KIAA1671: variants seen among roughly 807,000 people sequenced by gnomAD.
KIAA1671 encodes KIAA1671, also known as uncharacterized protein KIAA1671.
In KIAA1671, 52 loss-of-function variants were observed where a neutral mutation model predicts 131.2. That is an observed-to-expected ratio of 0.40 (90% CI 0.32 to 0.50). KIAA1671 has a LOEUF of 0.50. Ranked by LOEUF, KIAA1671 falls within the 20% of genes least tolerant of loss-of-function variation. The pLI is 0.73. For synonymous variants in KIAA1671, 1,003 were observed against 961.6 expected, an observed-to-expected ratio of 1.04 and a Z score of -0.80; for missense variants, 2,360 against 2,364.2, an observed-to-expected ratio of 1.00 and a Z score of 0.04.
chr22:25,123,235 C>T lies in KIAA1671; in HGVS notation c.4531-47585C>T, dbSNP rs1457456580. On this transcript the variant is annotated intron_variant, in intron 6 of 12. Coordinates refer to ENST00000358431, the MANE Select transcript of KIAA1671 (RefSeq NM_001145206.2). ...TTTTTGAGATGGAGTCTTGCTCTGT[C>T]GCCCAGGCTGGAGTGCAATGACGCA... 3.6e-5 allele frequency among the ~76,000 whole-genome samples: 5 copies of T among 137,158 alleles called. No individual in the cohort carries two copies. The South Asian group carries it at 9.9e-4, about 27-fold the overall frequency. 90.0% of individuals were successfully genotyped at this position (137,158 alleles called of 152,430 possible).
intron 6 of KIAA1671, chr22:25,070,350 C>T (rs748000524): frequency 2.1e-6 from 1 of 483,924 alleles, no homozygotes; most frequent in Non-Finnish European, 3.8e-6. Flanking sequence ...CACCACATAA[C>T]CTCTGGGTGC....
chr22:25,069,301 G>A (rs149284376), intron 6 of KIAA1671, among the ~76,000 whole-genome samples: 1 of 152,322 alleles, frequency 6.6e-6, no homozygotes, highest in African/African-American at 2.4e-5. Flanking sequence ...GGGTAACTGA[G>A]GCTCAGGAGG....
chr22:25,163,421 A>G (rs1254955528), intron 6 of KIAA1671, among the ~76,000 whole-genome samples: 4 of 108,788 alleles, frequency 3.7e-5, no homozygotes, highest in Non-Finnish European at 5.3e-5. Context: ...ACTTCTGGAC[A>G]TTATTTTCCT....
intron 1 of KIAA1671, among the ~76,000 whole-genome samples, chr22:24,992,814 C>CA (rs761181079): frequency 0.37 from 21,066 of 57,032 alleles, 5,723 homozygotes; most frequent in Middle Eastern, 0.52. Flanking sequence ...GACTCCGTCT[C>CA]AAAAAAAAAA....
intron 11 of KIAA1671, among the ~76,000 whole-genome samples, chr22:25,187,616 C>T (rs1165888220): frequency 6.6e-6 from 1 of 152,076 alleles, no homozygotes; most frequent in Non-Finnish European, 1.5e-5. Flanking sequence ...CAGGTGAATC[C>T]TCCCACCTCA....
chr22:25,093,876 C>G (rs1377386810), intron 6 of KIAA1671, among the ~76,000 whole-genome samples: 1 of 122,482 alleles, frequency 8.2e-6, no homozygotes, highest in African/African-American at 3.1e-5. Flanking sequence ...CTCTCTCTCT[C>G]TCTCTCTCTC....
chr22:24,991,011 TTTC>T (rs1923812648), intron 1 of KIAA1671, among the ~76,000 whole-genome samples: 1 of 152,020 alleles, frequency 6.6e-6, no homozygotes, highest in South Asian at 2.1e-4. Flanking sequence ...GAAGGGACCC[TTTC>T]TTCTTTAATT....
rs368730334 is a variant in KIAA1671 at position 25,113,158 on chromosome 22, T to C, written c.4531-57662T>C. 1.4e-4 allele frequency among the ~76,000 whole-genome samples: 21 copies of C among 152,108 alleles called. No individual in the cohort carries two copies. In the East Asian group the frequency reaches 3.1e-3, roughly 22 times the overall value. On this transcript the variant is annotated intron_variant, in intron 6 of 12. Transcript: ENST00000358431. ...AGGTCCTTCTGATGATTTGGAGAGG[T>C]GGGACTGGGCCCAGAAAGCGAAAGT...
chr22:24,958,525 C>A (rs566596837), intron 1 of KIAA1671, among the ~76,000 whole-genome samples: 1 of 151,686 alleles, frequency 6.6e-6, no homozygotes, highest in Non-Finnish European at 1.5e-5. Flanking sequence ...TGGTGGGGCA[C>A]CTGTAATCCC....
chr22:24,967,841 A>C (rs1922380902), intron 1 of KIAA1671, among the ~76,000 whole-genome samples: 1 of 152,194 alleles, frequency 6.6e-6, no homozygotes, highest in Non-Finnish European at 1.5e-5. Flanking sequence ...AAAATACAAA[A>C]ATTTAGCCGG....
chr22:25,026,721 A>C (rs1925962726), intron 2 of KIAA1671, among the ~76,000 whole-genome samples: 1 of 151,612 alleles, frequency 6.6e-6, no homozygotes. Flanking sequence ...CAAGAGTGAA[A>C]CTTGGTCTCA....
intron 6 of KIAA1671, among the ~76,000 whole-genome samples, chr22:25,157,015 T>C (rs1933267032): frequency 6.6e-6 from 1 of 152,188 alleles, no homozygotes; most frequent in African/African-American, 2.4e-5. Context: ...TTTTGACATG[T>C]GATGTTTCAA....
intron 7 of KIAA1671, among the ~76,000 whole-genome samples, chr22:25,171,936 T>C (rs1933863587): frequency 1.3e-5 from 2 of 152,046 alleles, no homozygotes. Context: ...CAATGGCAAA[T>C]TGTATTTTAC....
At chr22:25,070,388 G>T (rs1242745892) in intron 6 of KIAA1671, 2 of 515,216 alleles carry the variant, frequency 3.9e-6, no homozygotes, top group East Asian at 6.8e-5. Flanking sequence ...TACTGCCCCA[G>T]CCTGCTGAAG....
chr22:25,137,273 C>T (rs1568974941), intron 6 of KIAA1671, among the ~76,000 whole-genome samples: 1 of 151,574 alleles, frequency 6.6e-6, no homozygotes, highest in Non-Finnish European at 1.5e-5. Context: ...GAAATTGTTA[C>T]TTTTTTTTTC....
At position 25,029,305 on chromosome 22, in the gene KIAA1671, A is replaced by C. The variant is rs1569210211; in HGVS notation, c.1306A>C (p.Ser436Arg). 1 of 1,529,688 alleles carries C rather than the reference A, an allele frequency of 6.5e-7. No individual in the cohort carries two copies. The highest frequency in any genetic ancestry group is 8.8e-7 in the Non-Finnish European group (1 of 1,133,858). 94.8% of individuals were successfully genotyped at this position (1,529,688 alleles called of 1,614,324 possible). A position where few individuals can be genotyped will look rare whatever the true frequency, so the allele number is the denominator to read the frequency against. Residue 436 changes from serine (S) to arginine (R), a missense_variant, in exon 3 of 13, where the codon AGT (serine) becomes CGT (arginine). This residue lies in a region of KIAA1671 where 1,185 missense variants were observed against 1,126.2 expected (regional missense o/e 1.05). Coordinates refer to ENST00000358431, the MANE Select transcript of KIAA1671 (RefSeq NM_001145206.2). ...AAGGEWASRR[S>R]VRKCISLFRE... Reference sequence around the variant, plus strand: ...AGGGGGAGAGTGGGCCTCCAGGAGGAGTGTCAGGAAGTGCATCAGCCTGTT... The same window carrying C: ...AGGGGGAGAGTGGGCCTCCAGGAGGCGTGTCAGGAAGTGCATCAGCCTGTT...
intron 11 of KIAA1671, among the ~76,000 whole-genome samples, chr22:25,187,337 T>TA (rs1934509713): frequency 1.3e-5 from 2 of 152,232 alleles, no homozygotes. Context: ...TGACTGTTGA[T>TA]ATCTGGGCAT....
intron 6 of KIAA1671, among the ~76,000 whole-genome samples, chr22:25,084,456 T>C (rs1275457854): frequency 4.1e-5 from 1 of 24,186 alleles, no homozygotes; most frequent in African/African-American, 5.0e-4. Flanking sequence ...AGACTCTATC[T>C]CAAAAAAAAA....
intron 1 of KIAA1671, among the ~76,000 whole-genome samples, chr22:24,984,680 G>A (rs1316610807): frequency 6.6e-6 from 1 of 152,132 alleles, no homozygotes; most frequent in Non-Finnish European, 1.5e-5. Context: ...TTGGGAGGCC[G>A]AGGTGGGCGG....
Sources: gnomAD v4.1 joint callset for allele counts (sites outside exome capture counted in the v4.1 genomes callset) on GRCh38, gnomAD v4.1.1 for gene constraint, gnomAD v4.1.1 regional missense constraint, MANE v1.5 for transcripts, NCBI Gene and HGNC (gene_info 2026-07-23, HGNC 2026-07-21) for gene names.